The following RBFOX1 variants were observed in gnomAD, a reference collection of about 807,000 sequenced individuals.
RBFOX1 encodes RNA binding fox-1 homolog 1.
Under a neutral mutation model 57.7 loss-of-function variants are expected in RBFOX1, and 8 were observed. The ratio of observed to expected loss-of-function variants is 0.14; its 90% CI spans 0.08 to 0.25. RBFOX1 has a LOEUF of 0.25. Ranked by LOEUF, RBFOX1 falls within the 10% of genes least tolerant of loss-of-function variation. RBFOX1 has a pLI of 1.00. For missense variants in RBFOX1, 611 were observed against 548.5 expected, an observed-to-expected ratio of 1.11 and a Z score of -1.14; for synonymous variants, 326 against 222.4, an observed-to-expected ratio of 1.47 and a Z score of -4.15.
intron 1 of RBFOX1, among the ~76,000 whole-genome samples, chr16:5,370,053 C>G (rs1388851903): frequency 6.6e-6 from 1 of 152,080 alleles, no homozygotes; most frequent in South Asian, 2.1e-4. Context: ...TATTGAGCAC[C>G]TACTATGTGC....
intron 1 of RBFOX1, among the ~76,000 whole-genome samples, chr16:5,432,752 CACAG>C (rs2067792001): frequency 1.3e-5 from 2 of 151,992 alleles, no homozygotes; most frequent in African/African-American, 4.8e-5. Context: ...CTGTCTTTCC[CACAG>C]ATTAATGAGG....
intron 3 of RBFOX1, among the ~76,000 whole-genome samples, chr16:6,693,261 C>T (rs911468047): frequency 6.6e-6 from 1 of 151,660 alleles, no homozygotes; most frequent in African/African-American, 2.4e-5. Context: ...TCATCATCCT[C>T]ATCCACTAAC....
chr16:6,949,768 G>A (rs900733411), intron 3 of RBFOX1, among the ~76,000 whole-genome samples: 26 of 151,704 alleles, frequency 1.7e-4, no homozygotes, highest in Admixed American at 3.3e-4. Flanking sequence ...GACACAATTC[G>A]GTTCTGGGAA....
chr16:7,690,831 T>C (rs1410997758), intron 14 of RBFOX1, among the ~76,000 whole-genome samples: 1 of 152,138 alleles, frequency 6.6e-6, no homozygotes, highest in Non-Finnish European at 1.5e-5. Flanking sequence ...GAAACAGCTG[T>C]ACATAAAATG....
intron 4 of RBFOX1, among the ~76,000 whole-genome samples, chr16:7,498,691 G>A (rs7203147): frequency 6.6e-6 from 1 of 152,118 alleles, no homozygotes; most frequent in African/African-American, 2.4e-5. Flanking sequence ...TACAGTACGC[G>A]TCATTTCAGA....
chr16:5,868,710 C>T (rs187859373), intron 4 of RBFOX1, among the ~76,000 whole-genome samples: 56 of 152,318 alleles, frequency 3.7e-4, no homozygotes, highest in Non-Finnish European at 3.1e-4. Flanking sequence ...CAGAGATGAG[C>T]AGCCCCCACT....
intron 3 of RBFOX1, among the ~76,000 whole-genome samples, chr16:6,973,212 G>C (rs371127872): frequency 8.5e-5 from 13 of 152,054 alleles, no homozygotes; most frequent in African/African-American, 3.1e-4. Flanking sequence ...GGGCGGGGTT[G>C]GAGGATATCA....
intron 2 of RBFOX1, among the ~76,000 whole-genome samples, chr16:6,648,733 G>A (rs934338781): frequency 6.6e-6 from 1 of 152,104 alleles, no homozygotes; most frequent in South Asian, 2.1e-4. Context: ...GTCAGAACAG[G>A]CAGAAGCAGA....
intron 1 of RBFOX1, among the ~76,000 whole-genome samples, chr16:5,414,646 A>G (rs1173863051): frequency 6.6e-6 from 1 of 152,100 alleles, no homozygotes; most frequent in Admixed American, 6.6e-5. Context: ...TTCTCCCAAT[A>G]TTTCCATGTG....
At chr16:6,132,717 A>G (rs528932314) in intron 1 of RBFOX1, among the ~76,000 whole-genome samples, 3 of 152,112 alleles carry the variant, frequency 2.0e-5, no homozygotes, top group African/African-American at 4.8e-5. Context: ...TTCTTCAACT[A>G]TGTAAAAATA....
At chr16:5,326,829 T>C (rs933631466) in intron 1 of RBFOX1, among the ~76,000 whole-genome samples, 2 of 152,242 alleles carry the variant, frequency 1.3e-5, no homozygotes, top group African/African-American at 4.8e-5. Flanking sequence ...TCCATTTTAA[T>C]ATCAGACGTC....
intron 1 of RBFOX1, among the ~76,000 whole-genome samples, chr16:6,286,677 G>C (rs568858636): frequency 6.6e-6 from 1 of 152,202 alleles, no homozygotes; most frequent in Admixed American, 6.5e-5. Context: ...GTGTTCTTTT[G>C]TTTACCCACT....
At chr16:5,293,684 A>G (rs928340634) in intron 1 of RBFOX1, among the ~76,000 whole-genome samples, 6 of 151,818 alleles carry the variant, frequency 4.0e-5, no homozygotes, top group African/African-American at 1.2e-4. Context: ...TTCCATTTAT[A>G]TGAAAGGTCC....
At chr16:7,081,556 T>A (rs923800266) in intron 4 of RBFOX1, among the ~76,000 whole-genome samples, 1 of 152,208 alleles carries the variant, frequency 6.6e-6, no homozygotes, top group Non-Finnish European at 1.5e-5. Context: ...GTGGGAGTTT[T>A]TATATGGAGG....
intron 2 of RBFOX1, among the ~76,000 whole-genome samples, chr16:6,516,354 C>T (rs911118099): frequency 1.3e-5 from 2 of 152,274 alleles, no homozygotes; most frequent in East Asian, 1.9e-4. Flanking sequence ...GTTTCTTCAT[C>T]TGTAAAATGG....
chr16:5,360,278 G>T (rs1242289139), intron 1 of RBFOX1, among the ~76,000 whole-genome samples: 1 of 152,220 alleles, frequency 6.6e-6, no homozygotes, highest in African/African-American at 2.4e-5. Context: ...ATAATTAGAG[G>T]ATAGGCATCC....
At chr16:7,565,703 CAG>C (rs2091506858) in intron 5 of RBFOX1, among the ~76,000 whole-genome samples, 2 of 152,216 alleles carry the variant, frequency 1.3e-5, no homozygotes, top group African/African-American at 4.8e-5. Context: ...CGAAGACACT[CAG>C]AAGCTTTTCT....
intron 3 of RBFOX1, among the ~76,000 whole-genome samples, chr16:6,933,611 G>T (rs1405885451): frequency 1.3e-5 from 2 of 152,216 alleles, no homozygotes; most frequent in African/African-American, 4.8e-5. Flanking sequence ...TACTCCGGAG[G>T]CTGAAGCAGA....
intron 2 of RBFOX1, among the ~76,000 whole-genome samples, chr16:5,548,409 C>G (rs2045324306): frequency 6.6e-6 from 1 of 151,300 alleles, no homozygotes; most frequent in Admixed American, 6.6e-5. Context: ...GGAGCACACA[C>G]AAAAACAGAA....
Sources: allele counts gnomAD v4.1 joint callset (sites outside exome capture counted in the v4.1 genomes callset), GRCh38; gene constraint gnomAD v4.1.1; transcripts MANE v1.5; gene names NCBI Gene and HGNC (gene_info 2026-07-23, HGNC 2026-07-21).